The following RBFOX1 variants were observed in gnomAD, a reference collection of about 807,000 sequenced individuals.
RBFOX1 encodes RNA binding protein fox-1 homolog 1.
In RBFOX1, 8 loss-of-function variants were observed where a neutral mutation model predicts 57.7. The ratio of observed to expected loss-of-function variants is 0.14; its 90% CI spans 0.08 to 0.25. RBFOX1 has a LOEUF of 0.25. Ranked by LOEUF, RBFOX1 falls within the 10% of genes least tolerant of loss-of-function variation. RBFOX1 has a pLI of 1.00. For missense variants in RBFOX1, 611 were observed against 548.5 expected, an observed-to-expected ratio of 1.11 and a Z score of -1.14; for synonymous variants, 326 against 222.4, an observed-to-expected ratio of 1.47 and a Z score of -4.15.
intron 1 of RBFOX1, among the ~76,000 whole-genome samples, chr16:6,207,368 A>G (rs1224689098): frequency 6.6e-6 from 1 of 152,222 alleles, no homozygotes; most frequent in South Asian, 2.1e-4. Context: ...AGGTTGCTGC[A>G]CTCATTTATC....
chr16:6,669,253 C>T (rs1455006879), intron 3 of RBFOX1, among the ~76,000 whole-genome samples: 1 of 152,162 alleles, frequency 6.6e-6, no homozygotes, highest in Non-Finnish European at 1.5e-5. Flanking sequence ...GGGTGGGAAA[C>T]CATGCCCGTG....
intron 4 of RBFOX1, among the ~76,000 whole-genome samples, chr16:5,885,336 A>C (rs930395023): frequency 2.0e-5 from 3 of 151,952 alleles, no homozygotes; most frequent in African/African-American, 7.3e-5. Flanking sequence ...AAAAAAAAAA[A>C]ACTCCAAATA....
In RBFOX1 at chr16:6,501,131, C is replaced by CTT. The variant is rs1003003339; in HGVS notation, c.-63-153452_-63-153451dup. Among the ~76,000 whole-genome samples, 802 of 107,886 alleles carry CTT rather than the reference C, an allele frequency of 7.4e-3. 19 individuals carry two copies. In the East Asian group the frequency reaches 0.091, roughly 12 times the overall value. 70.8% of individuals were successfully genotyped at this position (107,886 alleles called of 152,430 possible). Reference sequence around the variant, plus strand: ...CTCTTTGTCTTGCCAGTTAAACATTCTTTTTTTTTTTTTTTTTTTTTATTT... The same window carrying CTT: ...CTCTTTGTCTTGCCAGTTAAACATTCTTTTTTTTTTTTTTTTTTTTTTTATTT... On this transcript the variant is annotated intron_variant, in intron 2 of 15. Transcript: ENST00000550418.
intron 4 of RBFOX1, among the ~76,000 whole-genome samples, chr16:7,417,393 G>C (rs1005877820): frequency 1.8e-5 from 2 of 113,508 alleles, no homozygotes; most frequent in Non-Finnish European, 3.8e-5. Context: ...AAAAAAAAGA[G>C]ATGACCCCAT....
intron 4 of RBFOX1, among the ~76,000 whole-genome samples, chr16:7,460,336 C>G (rs998655263): frequency 9.6e-5 from 13 of 134,760 alleles, no homozygotes; most frequent in Admixed American, 1.6e-4. Flanking sequence ...ATTTCATTGG[C>G]CAGATTATAT....
intron 3 of RBFOX1, among the ~76,000 whole-genome samples, chr16:6,832,904 A>G (rs1252471405): frequency 6.6e-6 from 1 of 152,210 alleles, no homozygotes; most frequent in Non-Finnish European, 1.5e-5. Flanking sequence ...GAACTAGTGT[A>G]TCTGCATTTC....
intron 2 of RBFOX1, among the ~76,000 whole-genome samples, chr16:6,632,165 C>A (rs978615466): frequency 1.5e-4 from 23 of 152,110 alleles, no homozygotes; most frequent in African/African-American, 5.6e-4. Context: ...TCCTTCACTT[C>A]CTCCTCCTTG....
intron 4 of RBFOX1, among the ~76,000 whole-genome samples, chr16:7,095,088 A>C (rs911995880): frequency 6.6e-6 from 1 of 152,082 alleles, no homozygotes; most frequent in Admixed American, 6.6e-5. Flanking sequence ...AATTTGTTTT[A>C]ACTAGAATGT....
chr16:7,392,128 T>C lies in RBFOX1; in HGVS notation c.28-126019T>C, dbSNP rs545739367. Among the ~76,000 whole-genome samples, 7 of 152,322 alleles carry C rather than the reference T, an allele frequency of 4.6e-5. No homozygotes were observed. In the East Asian group the frequency reaches 7.7e-4, roughly 17 times the overall value. On this transcript the variant is annotated intron_variant, in intron 4 of 15. Transcript: ENST00000550418. ...ACCCACTTCTCCCTTGCAGATTCTG[T>C]ACACGCTTTTCCTCCATCAAAAATG...
At chr16:7,539,188 T>G (rs1207289935) in intron 5 of RBFOX1, among the ~76,000 whole-genome samples, 1 of 152,090 alleles carries the variant, frequency 6.6e-6, no homozygotes, top group African/African-American at 2.4e-5. Context: ...CCATGATACT[T>G]TTTGAAGAAA....
chr16:7,208,129 T>C (rs1319900494), intron 4 of RBFOX1, among the ~76,000 whole-genome samples: 8 of 152,194 alleles, frequency 5.3e-5, no homozygotes, highest in Admixed American at 6.5e-5. Context: ...TGGCTGTTTA[T>C]GTATCCCTGG....
At chr16:6,154,946 A>C (rs1235809436) in intron 1 of RBFOX1, among the ~76,000 whole-genome samples, 1 of 152,258 alleles carries the variant, frequency 6.6e-6, no homozygotes, top group Non-Finnish European at 1.5e-5. Flanking sequence ...TTTTATATTT[A>C]ATATTCAAAA....
intron 2 of RBFOX1, among the ~76,000 whole-genome samples, chr16:6,464,939 C>G (rs184145988): frequency 7.2e-5 from 11 of 152,366 alleles, no homozygotes; most frequent in African/African-American, 2.6e-4. Context: ...CATTTATTAG[C>G]TCTGTTGCCC....
chr16:7,645,669 T>G (rs915617583), intron 11 of RBFOX1, among the ~76,000 whole-genome samples: 1 of 152,234 alleles, frequency 6.6e-6, no homozygotes, highest in African/African-American at 2.4e-5. Flanking sequence ...ATTAGACTTG[T>G]ACATTAATTA....
chr16:5,736,905 G>GTCTCTCTCCCCCTCCC (rs796466979), intron 3 of RBFOX1, among the ~76,000 whole-genome samples: 2 of 112,082 alleles, frequency 1.8e-5, no homozygotes, highest in African/African-American at 7.2e-5. Flanking sequence ...CTCCCCCTCC[G>GTCTCTCTCCCCCTCCC]TCTCTCTCCC....
intron 1 of RBFOX1, among the ~76,000 whole-genome samples, chr16:6,028,509 TAAAAAAA>T (rs36218292): frequency 4.7e-4 from 49 of 104,518 alleles, no homozygotes; most frequent in Middle Eastern, 0.011. Context: ...CTGTCTCTGT[TAAAAAAA>T]AAAAAAAAAA....
intron 3 of RBFOX1, among the ~76,000 whole-genome samples, chr16:6,992,178 T>C (rs1424571693): frequency 2.0e-5 from 3 of 151,720 alleles, no homozygotes; most frequent in Non-Finnish European, 4.4e-5. Flanking sequence ...TTTTTGTTTT[T>C]TTTGAGATGG....
intron 3 of RBFOX1, among the ~76,000 whole-genome samples, chr16:6,876,551 T>A (rs534979948): frequency 6.6e-6 from 1 of 152,150 alleles, no homozygotes; most frequent in African/African-American, 2.4e-5. Flanking sequence ...AAAAATTAAG[T>A]CACTTCTATA....
chr16:5,739,881 G>T (rs1008228823), intron 3 of RBFOX1, among the ~76,000 whole-genome samples: 2 of 152,294 alleles, frequency 1.3e-5, no homozygotes, highest in African/African-American at 2.4e-5. Flanking sequence ...TAAGCCTTGG[G>T]ATATTAAAAA....
Sources: allele counts gnomAD v4.1 joint callset (sites outside exome capture counted in the v4.1 genomes callset), GRCh38; gene constraint gnomAD v4.1.1; transcripts MANE v1.5; gene names NCBI Gene and HGNC (gene_info 2026-07-23, HGNC 2026-07-21).